WDR7: variants seen among roughly 807,000 people sequenced by gnomAD.
WDR7 encodes the protein WD repeat domain 7.
Under a neutral mutation model 169.4 loss-of-function variants are expected in WDR7, and 46 were observed. The ratio of observed to expected loss-of-function variants is 0.27; its 90% confidence interval spans 0.21 to 0.35. The LOEUF (loss-of-function observed/expected upper bound fraction) is 0.35, where lower values mean the gene tolerates loss of function less well. WDR7 is among the 10% of genes least tolerant of loss of function. The probability of loss-of-function intolerance (pLI) is 1.00; values close to 1 mark genes in which losing one functional copy is unlikely to be tolerated. For missense variants in WDR7, 1,534 were observed against 1,859.3 expected (o/e 0.83, Z 3.22); for synonymous variants, 612 against 666.8 (o/e 0.92, Z 1.27).
chr18:56,697,777 G>C (rs1343478728), intron 12 of WDR7, among the ~76,000 whole-genome samples: 1 of 152,110 alleles, frequency 6.6e-6, no homozygotes, highest in African/African-American at 2.4e-5. Context: ...TTCTATACTA[G>C]TTTAGAACAA....
chr18:56,678,800 G>A (rs2025297853), intron 2 of WDR7, among the ~76,000 whole-genome samples: 1 of 152,112 alleles, frequency 6.6e-6, no homozygotes, highest in African/African-American at 2.4e-5. Flanking sequence ...CAGCAGCACT[G>A]TGGTTCTTGC....
chr18:56,905,265 C>T (rs1196540800), intron 21 of WDR7, among the ~76,000 whole-genome samples: 1 of 152,170 alleles, frequency 6.6e-6, no homozygotes. Flanking sequence ...TCTCATGCCT[C>T]AGCCTCCCGA....
chr18:56,654,280 C>T (rs781347444), intron 1 of WDR7, among the ~76,000 whole-genome samples: 13 of 151,994 alleles, frequency 8.6e-5, no homozygotes, highest in Non-Finnish European at 1.3e-4. Context: ...TACAGGCACG[C>T]GCCACTACGC....
chr18:56,717,686 T>A (rs557314082), intron 12 of WDR7, among the ~76,000 whole-genome samples: 7 of 152,302 alleles, frequency 4.6e-5, no homozygotes, highest in African/African-American at 1.7e-4. Flanking sequence ...AATATAGCAA[T>A]CATTGTAGTG....
intron 20 of WDR7, among the ~76,000 whole-genome samples, chr18:56,837,186 AAAGG>A (rs2045409259): frequency 6.6e-6 from 1 of 152,236 alleles, no homozygotes; most frequent in Non-Finnish European, 1.5e-5. Context: ...CGACGGTGAG[AAAGG>A]ATGAACACAC....
intron 4 of WDR7, among the ~76,000 whole-genome samples, chr18:56,682,216 T>C (rs1420476655): frequency 6.6e-6 from 1 of 152,228 alleles, no homozygotes. Flanking sequence ...ATCATCCTTC[T>C]AAATTGTATT....
intron 19 of WDR7, among the ~76,000 whole-genome samples, chr18:56,795,530 A>G (rs1040510901): frequency 6.6e-6 from 1 of 152,132 alleles, no homozygotes; most frequent in Non-Finnish European, 1.5e-5. Context: ...TTAACGTTAC[A>G]TCTGTATTTA....
chr18:56,762,051 G>A (rs890364376), intron 16 of WDR7, among the ~76,000 whole-genome samples: 10 of 151,974 alleles, frequency 6.6e-5, no homozygotes, highest in African/African-American at 2.4e-4. Context: ...TTTATCATCA[G>A]TGTATTTGGA....
intron 13 of WDR7, among the ~76,000 whole-genome samples, chr18:56,730,723 G>A (rs911547733): frequency 9.2e-5 from 14 of 151,994 alleles, no homozygotes; most frequent in African/African-American, 3.1e-4. Flanking sequence ...CCAAGATCGC[G>A]CCATTGCACT....
intron 1 of WDR7, among the ~76,000 whole-genome samples, chr18:56,659,292 CAT>C (rs1263323965): frequency 6.6e-6 from 1 of 152,160 alleles, no homozygotes; most frequent in Non-Finnish European, 1.5e-5. Context: ...AAATCCAAAA[CAT>C]ATAAAATCGG....
At position 56,793,124 on chromosome 18, in the gene WDR7, A is replaced by G. The variant is rs190829982; in HGVS notation, c.3190+11468A>G. 2.9e-4 allele frequency among the ~76,000 whole-genome samples: 44 copies of G among 152,286 alleles called. No homozygotes were observed. The South Asian group carries it at 7.0e-3, about 24-fold the overall frequency. ...GCACAGAAACCATTTTGAATGTGCT[A>G]CATTAATGTTTGATACATACTTCAG... On this transcript the variant is annotated intron_variant, in intron 19 of 27. Coordinates refer to ENST00000254442, the MANE Select transcript of WDR7 (RefSeq NM_015285.3).
At chr18:56,914,041 C>T (rs758376626) in intron 21 of WDR7, among the ~76,000 whole-genome samples, 1 of 152,112 alleles carries the variant, frequency 6.6e-6, no homozygotes, top group Non-Finnish European at 1.5e-5. Flanking sequence ...AGAATAAAAC[C>T]CCACATTTAA....
chr18:56,984,558 T>G (rs1264082297), intron 26 of WDR7, among the ~76,000 whole-genome samples: 1 of 152,194 alleles, frequency 6.6e-6, no homozygotes, highest in African/African-American at 2.4e-5. Context: ...ACTGGAATGT[T>G]TTACTCACAA....
At chr18:56,780,287 G>A (rs9964339) in intron 18 of WDR7, among the ~76,000 whole-genome samples, 4,015 of 152,092 alleles carry the variant, frequency 0.026, 73 homozygotes, top group African/African-American at 0.051. Flanking sequence ...TATGGCATTC[G>A]ACCTGTATAG....
chr18:56,989,032 A>G (rs1367688259), intron 26 of WDR7, among the ~76,000 whole-genome samples: 3 of 151,912 alleles, frequency 2.0e-5, no homozygotes, highest in Non-Finnish European at 4.4e-5. Context: ...GGAGAAAAAG[A>G]TGCCACCTTT....
intron 12 of WDR7, among the ~76,000 whole-genome samples, chr18:56,708,375 A>G (rs74254794): frequency 2.0e-5 from 3 of 152,226 alleles, no homozygotes; most frequent in East Asian, 3.9e-4. Context: ...GATTTGCAGA[A>G]ACAGGTAAGG....
chr18:56,715,573 C>T (rs2026173376), intron 12 of WDR7, among the ~76,000 whole-genome samples: 1 of 151,992 alleles, frequency 6.6e-6, no homozygotes, highest in South Asian at 2.1e-4. Flanking sequence ...GTGGTTCATG[C>T]CTGTAGTCCT....
At chr18:56,694,431 A>G (rs1353217824) in intron 9 of WDR7, among the ~76,000 whole-genome samples, 188 bp from the exon 10 acceptor site, 1 of 152,208 alleles carries the variant, frequency 6.6e-6, no homozygotes, top group Non-Finnish European at 1.5e-5. Context: ...CTAGATTAGA[A>G]TATTAGTTGA....
intron 19 of WDR7, among the ~76,000 whole-genome samples, chr18:56,815,078 A>C (rs2044941777): frequency 1.3e-5 from 2 of 152,162 alleles, no homozygotes; most frequent in Non-Finnish European, 2.9e-5. Flanking sequence ...TTTCACATAA[A>C]TGTTTAAGTT....
Sources: allele counts gnomAD v4.1 joint callset (sites outside exome capture counted in the v4.1 genomes callset), GRCh38; gene constraint gnomAD v4.1.1; transcripts MANE v1.5; gene names NCBI Gene and HGNC (gene_info 2026-07-23, HGNC 2026-07-21).